The following KDM4C variants were observed in gnomAD, a reference collection of about 807,000 sequenced individuals.
KDM4C encodes the protein lysine demethylase 4C, also known as lysine-specific demethylase 4C.
KDM4C carries 81 observed loss-of-function variants against 129.3 expected under a neutral mutation model. That is an observed-to-expected ratio of 0.63 (90% CI 0.52 to 0.75). The LOEUF (loss-of-function observed/expected upper bound fraction) is 0.75, where lower values mean the gene tolerates loss of function less well. Ranked by LOEUF, KDM4C falls within the 30% of genes least tolerant of loss-of-function variation. The probability of loss-of-function intolerance (pLI) is 0.00; values close to 1 mark genes in which losing one functional copy is unlikely to be tolerated. For missense variants in KDM4C, 1,457 were observed against 1,304.0 expected (o/e 1.12, Z -1.81); for synonymous variants, 573 against 456.1 (o/e 1.26, Z -3.26).
intron 17 of KDM4C, among the ~76,000 whole-genome samples, chr9:7,063,604 G>A (rs893173216): frequency 6.6e-6 from 1 of 152,150 alleles, no homozygotes. Flanking sequence ...GATATTACAG[G>A]GTAATGGAAG....
intron 4 of KDM4C, among the ~76,000 whole-genome samples, chr9:6,833,191 A>C (rs759870149): frequency 6.6e-6 from 1 of 152,128 alleles, no homozygotes; most frequent in Admixed American, 6.5e-5. Context: ...AGGATTTTCT[A>C]CAAGAGCCAT....
At chr9:7,043,212 G>A (rs1225083697) in intron 15 of KDM4C, among the ~76,000 whole-genome samples, 1 of 152,000 alleles carries the variant, frequency 6.6e-6, no homozygotes, top group Admixed American at 6.6e-5. Flanking sequence ...TTCAATACAT[G>A]TCTCTGTTCT....
chr9:6,752,982 C>T (rs181899807), upstream of KDM4C, among the ~76,000 whole-genome samples: 15 of 152,232 alleles, frequency 9.9e-5, no homozygotes, highest in African/African-American at 3.6e-4. Flanking sequence ...GGACTGAAAC[C>T]CATGCCTCAC....
chr9:7,163,502 C>T (rs1353699537), intron 19 of KDM4C, among the ~76,000 whole-genome samples: 1 of 151,962 alleles, frequency 6.6e-6, no homozygotes, highest in African/African-American at 2.4e-5. Flanking sequence ...AGTGGAGATC[C>T]CTCCACATGG....
chr9:7,110,115 T>C lies in KDM4C; in HGVS notation c.2610+6245T>C, dbSNP rs551620009. Among the ~76,000 whole-genome samples the C allele has an allele frequency of 2.0e-5, 3 of 152,334 alleles. No individual in the cohort carries two copies. The South Asian group carries it at 6.2e-4, about 32-fold the overall frequency. ...AGCATGAGAATGGACTAATCCACAC[T>C]TCTAGACATCTTTGAAACTATCTTT... On this transcript the variant is annotated intron_variant, in intron 18 of 21. Transcript: ENST00000381309.
In KDM4C at chr9:6,844,802, C is replaced by G. The variant is rs577580390; in HGVS notation, c.436-4705C>G. Among the ~76,000 whole-genome samples the G allele has an allele frequency of 6.6e-5, 10 of 152,288 alleles. No homozygotes were observed. The South Asian group carries it at 2.1e-3, about 32-fold the overall frequency. On this transcript the variant is annotated intron_variant, in intron 4 of 21. Transcript: ENST00000381309. ...TCCCGGGTTCAAGTGATTCTCCTAC[C>G]TCAGCCTCCTGAATAGCTGGGATTA...
chr9:7,160,732 A>C (rs1021339013), intron 19 of KDM4C, among the ~76,000 whole-genome samples: 1 of 152,106 alleles, frequency 6.6e-6, no homozygotes, highest in Non-Finnish European at 1.5e-5. Context: ...CACCTATATG[A>C]GGTGTCTGTT....
At chr9:6,918,625 A>G (rs1285164756) in intron 8 of KDM4C, among the ~76,000 whole-genome samples, 1 of 152,180 alleles carries the variant, frequency 6.6e-6, no homozygotes, top group Admixed American at 6.5e-5. Flanking sequence ...GAATTAATTT[A>G]CATCCCTACC....
At chr9:7,082,253 A>G (rs1054882853) in intron 17 of KDM4C, among the ~76,000 whole-genome samples, 2 of 152,202 alleles carry the variant, frequency 1.3e-5, no homozygotes, top group Non-Finnish European at 2.9e-5. Flanking sequence ...TTAGCCCACC[A>G]GAATGGTACA....
At chr9:7,164,732 C>G (rs1225435116) in intron 19 of KDM4C, among the ~76,000 whole-genome samples, 1 of 152,206 alleles carries the variant, frequency 6.6e-6, no homozygotes, top group Non-Finnish European at 1.5e-5. Context: ...CATAGCTTCA[C>G]TCCTCCAGAG....
intron 18 of KDM4C, among the ~76,000 whole-genome samples, chr9:7,119,030 A>C (rs567871689): frequency 2.0e-5 from 3 of 152,260 alleles, no homozygotes; most frequent in African/African-American, 7.2e-5. Flanking sequence ...CTCTGTCAAA[A>C]ACTCAGTGGG....
intron 19 of KDM4C, among the ~76,000 whole-genome samples, chr9:7,129,462 C>G (rs1041707732): frequency 3.3e-5 from 5 of 152,196 alleles, no homozygotes; most frequent in African/African-American, 9.6e-5. Flanking sequence ...TTTCCCTTTA[C>G]TGCATTGCCA....
chr9:7,155,346 C>A (rs114736689), intron 19 of KDM4C, among the ~76,000 whole-genome samples: 62 of 152,038 alleles, frequency 4.1e-4, no homozygotes, highest in Middle Eastern at 3.4e-3. Flanking sequence ...TTTTTTCAGA[C>A]CTTTTATTTA....
chr9:6,920,485 C>T (rs1165884725), intron 8 of KDM4C, among the ~76,000 whole-genome samples: 1 of 151,614 alleles, frequency 6.6e-6, no homozygotes, highest in East Asian at 1.9e-4. Flanking sequence ...ATCACTTGAA[C>T]CGGGGAGGTG....
chr9:6,795,924 G>A (rs1218431298), intron 2 of KDM4C, among the ~76,000 whole-genome samples: 2 of 152,010 alleles, frequency 1.3e-5, no homozygotes, highest in Non-Finnish European at 2.9e-5. Context: ...TGCCCGCTTT[G>A]GCCTCCCAAA....
intron 8 of KDM4C, among the ~76,000 whole-genome samples, chr9:6,926,334 T>TA (rs1389911263): frequency 5.0e-5 from 2 of 40,274 alleles, no homozygotes; most frequent in African/African-American, 1.5e-4. Flanking sequence ...TGTAGAGAGA[T>TA]AATTTGTAAA....
chr9:6,806,652 T>C (rs1439520272), intron 3 of KDM4C, among the ~76,000 whole-genome samples: 1 of 152,030 alleles, frequency 6.6e-6, no homozygotes, highest in Non-Finnish European at 1.5e-5. Flanking sequence ...TGGGCTACAG[T>C]CATCTGAGCA....
At chr9:6,986,716 C>A in intron 11 of KDM4C, 50 bp downstream of exon 11, 1 of 1,356,708 alleles carries the variant, frequency 7.4e-7, no homozygotes. Context: ...GGTGAGAGCA[C>A]ATTTTGAAAA....
intron 8 of KDM4C, among the ~76,000 whole-genome samples, chr9:6,954,604 C>T (rs1828749480): frequency 6.6e-6 from 1 of 152,082 alleles, no homozygotes; most frequent in Non-Finnish European, 1.5e-5. Context: ...TAATAATGTG[C>T]AGGTTTCTGG....
Sources: gnomAD v4.1 joint callset for allele counts (sites outside exome capture counted in the v4.1 genomes callset) on GRCh38, gnomAD v4.1.1 for gene constraint, MANE v1.5 for transcripts, NCBI Gene and HGNC (gene_info 2026-07-23, HGNC 2026-07-21) for gene names.